The following ADAMTSL1 variants were observed in gnomAD, a reference collection of about 807,000 sequenced individuals.
The protein encoded by ADAMTSL1 is ADAMTS-like protein 1.
A neutral mutation model predicts 201.8 loss-of-function variants in ADAMTSL1; 126 were observed. The ratio of observed to expected loss-of-function variants is 0.62; its 90% CI spans 0.54 to 0.72. The LOEUF (loss-of-function observed/expected upper bound fraction) is 0.72. Ranked by LOEUF, ADAMTSL1 falls within the 30% of genes least tolerant of loss-of-function variation. ADAMTSL1 has a pLI of 0.00. For missense variants in ADAMTSL1, 2,679 were observed against 2,277.8 expected, an observed-to-expected ratio of 1.18 and a Z score of -3.59; for synonymous variants, 1,121 against 903.4, an observed-to-expected ratio of 1.24 and a Z score of -4.32.
intron 4 of ADAMTSL1, among the ~76,000 whole-genome samples, chr9:18,610,927 C>G (rs1427919016): frequency 6.6e-6 from 1 of 152,112 alleles, no homozygotes; most frequent in African/African-American, 2.4e-5. Flanking sequence ...ATTTAAAACT[C>G]TTTAAATATA....
chr9:18,278,856 T>C (rs1305902167), intron 2 of ADAMTSL1, among the ~76,000 whole-genome samples: 3 of 152,156 alleles, frequency 2.0e-5, no homozygotes, highest in South Asian at 4.1e-4. Context: ...TCTTTCTCTC[T>C]TTTTTCCCTT....
chr9:18,657,725 T>G lies in ADAMTSL1; in HGVS notation c.921T>G (p.Phe307Leu). 3 of 1,614,150 alleles carry G rather than the reference T, an allele frequency of 1.9e-6. No individual in the cohort carries two copies. Among genetic ancestry groups the G allele is most frequent in the Non-Finnish European group, 2.5e-6 (3 of 1,179,964 alleles). ...IIHRWRETDF[F>L]PCSATCGGGY... The stretch of plus-strand genomic sequence containing the variant: ...ACCGATGGAGGGAGACGGATTTCTT[T>G]CCTTGCTCAGCAACCTGTGGAGGAG... The change falls in exon 8 of 29, where the codon TTT becomes TTG. Residue 307 changes from phenylalanine (F) to leucine (L), a missense_variant. Coordinates refer to ENST00000380548, the MANE Select transcript of ADAMTSL1 (RefSeq NM_001040272.6).
chr9:18,637,272 A>G (rs1472618010), intron 6 of ADAMTSL1, among the ~76,000 whole-genome samples: 7 of 152,086 alleles, frequency 4.6e-5, no homozygotes. Flanking sequence ...TTACCACTCA[A>G]ATGATTCATT....
chr9:18,258,275 G>A (rs371898721), intron 2 of ADAMTSL1, among the ~76,000 whole-genome samples: 1 of 152,110 alleles, frequency 6.6e-6, no homozygotes, highest in Non-Finnish European at 1.5e-5. Flanking sequence ...AGATGCGTAC[G>A]CAAGAAAAAG....
rs1264461643 is a variant in ADAMTSL1, at chr9:18,776,784, C to T, written c.2555C>T (p.Pro852Leu). The T allele has an allele frequency of 6.5e-7, 1 of 1,546,326 alleles. No individual in the cohort carries two copies. The highest frequency in any genetic ancestry group is 1.2e-5 in the South Asian group (1 of 83,616). Reference sequence around the variant, plus strand: ...TTCGGGTTCGCTCTCCTTCCAGGGCCCGGGCGGCCATCCACGAAGCACAGC... The same window carrying T: ...TTCGGGTTCGCTCTCCTTCCAGGGCTCGGGCGGCCATCCACGAAGCACAGC... ...RPCMLATCAR[P>L]GRPSTKHSPH... is the part of the protein sequence containing the mutation. Residue 852 changes from proline (P) to leucine (L), a missense_variant, in exon 19 of 29, where the codon CCC becomes CTC. By Grantham distance (98) the Pro-to-Leu change is moderately conservative. Coordinates refer to ENST00000380548, the MANE Select transcript of ADAMTSL1 (RefSeq NM_001040272.6).
intron 10 of ADAMTSL1, among the ~76,000 whole-genome samples, chr9:18,678,521 A>G (rs963015953): frequency 6.6e-6 from 1 of 152,134 alleles, no homozygotes; most frequent in African/African-American, 2.4e-5. Context: ...TTGTCTTTCT[A>G]TGATCACTGA....
chr9:18,274,242 C>T lies in ADAMTSL1; in HGVS notation c.207+110261C>T, dbSNP rs74787769. On this transcript the variant is annotated intron_variant, in intron 2 of 29. Transcript: ENST00000680146. ...CTACGCATGGTTTATTTGATGCATT[C>T]GTAAAAATGTAGGTAATATCTAGTG... 4.2e-3 allele frequency among the ~76,000 whole-genome samples: 635 copies of T among 152,204 alleles called. 5 individuals carry two copies. The highest frequency in any genetic ancestry group is 0.022 in the East Asian group (112 of 5,182).
At chr9:18,360,005 G>T (rs942835829) in intron 2 of ADAMTSL1, among the ~76,000 whole-genome samples, 4 of 151,974 alleles carry the variant, frequency 2.6e-5, no homozygotes, top group Admixed American at 6.6e-5. Context: ...GTGCAGATTA[G>T]AGATTAAAAC....
chr9:18,233,614 C>G (rs1397534577), intron 2 of ADAMTSL1, among the ~76,000 whole-genome samples: 2 of 151,210 alleles, frequency 1.3e-5, no homozygotes, highest in Admixed American at 6.6e-5. Flanking sequence ...GTGAGACAGA[C>G]AGCAGACAAA....
At chr9:18,529,095 A>G (rs1478347389) in intron 2 of ADAMTSL1, among the ~76,000 whole-genome samples, 1 of 152,244 alleles carries the variant, frequency 6.6e-6, no homozygotes, top group African/African-American at 2.4e-5. Context: ...TTGTGGTGGA[A>G]TAGTCACCTA....
Position 18,906,878 on chromosome 9 carries a change from C to T in ADAMTSL1, c.5148C>T (p.Asn1716=), listed in dbSNP as rs1830340855. ...GCTCCTGGGGGCCCCGGCCTGCCAA[C>T]TGGCAGCGCTGCAACATCACCCCAT... ...HLCSWGPRPA[N]WQRCNITPCE... is the part of the protein sequence containing the mutation. Residue 1716 remains asparagine, a synonymous_variant, in exon 28 of 29, where the codon AAC becomes AAT. Coordinates refer to ENST00000380548, the MANE Select transcript of ADAMTSL1 (RefSeq NM_001040272.6). 2 of 1,613,984 alleles carry T rather than the reference C, an allele frequency of 1.2e-6. No individual in the cohort carries two copies. Among genetic ancestry groups the T allele is most frequent in the Admixed American group, 1.7e-5 (1 of 60,028 alleles).
intron 21 of ADAMTSL1, among the ~76,000 whole-genome samples, chr9:18,819,410 C>G (rs1193932130): frequency 1.3e-5 from 2 of 149,154 alleles, no homozygotes; most frequent in Non-Finnish European, 3.0e-5. Context: ...GAGCCGAGAT[C>G]GAACCACTGC....
At chr9:18,342,605 C>T (rs1383958680) in intron 2 of ADAMTSL1, among the ~76,000 whole-genome samples, 2 of 152,074 alleles carry the variant, frequency 1.3e-5, no homozygotes, top group Admixed American at 1.3e-4. Flanking sequence ...TGGCTTCTAA[C>T]AGATTAGATG....
intron 17 of ADAMTSL1, among the ~76,000 whole-genome samples, chr9:18,772,805 G>C (rs1208052231): frequency 6.6e-6 from 1 of 152,144 alleles, no homozygotes; most frequent in Non-Finnish European, 1.5e-5. Flanking sequence ...CCACAGCTTA[G>C]GTCTCCTACA....
intron 1 of ADAMTSL1, among the ~76,000 whole-genome samples, chr9:18,092,584 C>A (rs1205529077): frequency 6.6e-6 from 1 of 152,090 alleles, no homozygotes; most frequent in Admixed American, 6.6e-5. Context: ...TTGTGCCTGG[C>A]ATTTGCACTT....
At chr9:18,747,564 C>T (rs1819221075) in intron 15 of ADAMTSL1, among the ~76,000 whole-genome samples, 1 of 152,074 alleles carries the variant, frequency 6.6e-6, no homozygotes, top group Non-Finnish European at 1.5e-5. Flanking sequence ...CAGGCCTCAG[C>T]TCCTGCTTGT....
intron 26 of ADAMTSL1, among the ~76,000 whole-genome samples, chr9:18,897,145 G>C (rs1341591250): frequency 4.6e-5 from 7 of 152,280 alleles, no homozygotes; most frequent in Non-Finnish European, 8.8e-5. Context: ...GTTTAAGTGG[G>C]ACCCTGATCC....
chr9:18,086,018 A>G (rs909039376), intron 1 of ADAMTSL1, among the ~76,000 whole-genome samples: 1 of 152,130 alleles, frequency 6.6e-6, no homozygotes, highest in South Asian at 2.1e-4. Flanking sequence ...ATGAGGTGTA[A>G]GAGTCGAGGA....
At chr9:18,286,438 C>G (rs1381280927) in intron 2 of ADAMTSL1, among the ~76,000 whole-genome samples, 5 of 152,102 alleles carry the variant, frequency 3.3e-5, no homozygotes, top group Non-Finnish European at 7.3e-5. Context: ...GACTAGTTAG[C>G]TGGCTCCTGT....
Sources: allele counts gnomAD v4.1 joint callset (sites outside exome capture counted in the v4.1 genomes callset), GRCh38; gene constraint gnomAD v4.1.1; transcripts MANE v1.5; gene names NCBI Gene and HGNC (gene_info 2026-07-23, HGNC 2026-07-21).